CAST: variants seen among roughly 807,000 people sequenced by gnomAD.
The protein encoded by CAST is MIR583 host.
Under a neutral mutation model 119.6 loss-of-function variants are expected in CAST, and 76 were observed. The ratio of observed to expected loss-of-function variants is 0.64; its 90% CI spans 0.53 to 0.77. The LOEUF (loss-of-function observed/expected upper bound fraction) is 0.77, where lower values mean the gene tolerates loss of function less well. CAST is among the 30% of genes least tolerant of loss of function. CAST has a pLI of 0.00. For missense variants in CAST, 953 were observed against 946.5 expected (o/e 1.01, Z -0.09); for synonymous variants, 319 against 331.6 (o/e 0.96, Z 0.41).
chr5:96,274,400 C>A, the CAST span, among the ~76,000 whole-genome samples: 1 of 151,884 alleles, frequency 6.6e-6, no homozygotes, highest in South Asian at 2.1e-4. Context: ...CAGCTCCCAG[C>A]CTAGAGCCCC....
chr5:96,264,225 C>A, the CAST span, among the ~76,000 whole-genome samples: 1 of 152,092 alleles, frequency 6.6e-6, no homozygotes, highest in Non-Finnish European at 1.5e-5. Context: ...GGAGTCTTAG[C>A]GCAATATTCA....
chr5:96,518,916 G>A, the CAST span, among the ~76,000 whole-genome samples: 1 of 152,054 alleles, frequency 6.6e-6, no homozygotes, highest in African/African-American at 2.4e-5. Context: ...TACTCAGGAG[G>A]CAGGAGGCTG....
At chr5:96,619,926 G>C (rs760462456) in intron 1 of CAST, among the ~76,000 whole-genome samples, 1 of 152,210 alleles carries the variant, frequency 6.6e-6, no homozygotes, top group Non-Finnish European at 1.5e-5. Flanking sequence ...ACCATGTGAC[G>C]TTGGGCAAGA....
the CAST span, among the ~76,000 whole-genome samples, chr5:95,979,494 A>AT: frequency 6.6e-6 from 1 of 152,316 alleles, no homozygotes; most frequent in East Asian, 1.9e-4. Flanking sequence ...TGAACAATAA[A>AT]TATGTGTGTT....
chr5:95,995,854 C>T, the CAST span, among the ~76,000 whole-genome samples: 1 of 152,220 alleles, frequency 6.6e-6, no homozygotes, highest in East Asian at 1.9e-4. Context: ...GAGAATACTG[C>T]ATACCCCTGC....
intron 2 of CAST, among the ~76,000 whole-genome samples, chr5:96,693,841 CTT>C (rs994996003): frequency 9.2e-5 from 14 of 152,206 alleles, no homozygotes; most frequent in African/African-American, 3.4e-4. Flanking sequence ...TTAGCAGCCT[CTT>C]TTGTTTTTAT....
intron 1 of CAST, among the ~76,000 whole-genome samples, chr5:96,555,570 G>A (rs1464211380): frequency 6.6e-6 from 1 of 152,198 alleles, no homozygotes; most frequent in Non-Finnish European, 1.5e-5. Context: ...GGCACACCAG[G>A]ACATTATATC....
At chr5:96,765,926 A>C (rs1411935306) in intron 26 of CAST, 127 bp from the exon 27 acceptor site, 1 of 607,906 alleles carries the variant, frequency 1.6e-6, no homozygotes. Context: ...GTTGCTTAAA[A>C]AATAAAAACA....
the CAST span, among the ~76,000 whole-genome samples, chr5:96,283,787 A>G: frequency 2.0e-5 from 3 of 152,252 alleles, no homozygotes; most frequent in Admixed American, 2.0e-4. Flanking sequence ...AAAGTGTCGT[A>G]AATCCACCAA....
At chr5:96,317,476 CAAAAAAAAAAAAAAA>C in the CAST span, among the ~76,000 whole-genome samples, 1 of 50,578 alleles carries the variant, frequency 2.0e-5, no homozygotes, top group Middle Eastern at 0.017. Flanking sequence ...GACTCCATCT[CAAAAAAAAAAAAAAA>C]AAAAAAAAAA....
At chr5:96,704,983 C>G (rs1003294921) in intron 3 of CAST, among the ~76,000 whole-genome samples, 2 of 152,130 alleles carry the variant, frequency 1.3e-5, no homozygotes, top group South Asian at 4.1e-4. Context: ...TTTAAATGAA[C>G]TTTGGTTGGG....
the CAST span, chr5:96,410,997 A>C: frequency 2.5e-6 from 4 of 1,588,220 alleles, no homozygotes; most frequent in Non-Finnish European, 3.5e-6. Context: ...CTAAAGGAAA[A>C]GCCAGAATGC....
At chr5:96,478,405 C>A in the CAST span, among the ~76,000 whole-genome samples, 1 of 152,214 alleles carries the variant, frequency 6.6e-6, no homozygotes, top group African/African-American at 2.4e-5. Context: ...TGCATATTGA[C>A]CAAACTATAG....
At chr5:96,484,150 A>G in the CAST span, among the ~76,000 whole-genome samples, 1 of 152,092 alleles carries the variant, frequency 6.6e-6, no homozygotes, top group Non-Finnish European at 1.5e-5. Flanking sequence ...GCCTTTTTAC[A>G]TGACCACAAC....
the CAST span, among the ~76,000 whole-genome samples, chr5:96,471,786 G>GTGTGTGTGTGTGTGTT: frequency 0.17 from 24,794 of 149,348 alleles, 2,423 homozygotes; most frequent in East Asian, 0.34. Flanking sequence ...GTGTGTGTGT[G>GTGTGTGTGTGTGTGTT]TGTGTGTGTG....
At chr5:96,544,164 T>A (rs1745963490) in intron 1 of CAST, among the ~76,000 whole-genome samples, 1 of 152,234 alleles carries the variant, frequency 6.6e-6, no homozygotes. Flanking sequence ...ACTGATATCT[T>A]GACAACATCG....
At chr5:96,765,597 G>A (rs1396375524) in intron 26 of CAST, among the ~76,000 whole-genome samples, 2 of 152,114 alleles carry the variant, frequency 1.3e-5, no homozygotes, top group African/African-American at 4.8e-5. Context: ...CAAGCAGTCA[G>A]CACATCCATT....
chr5:96,096,317 G>A, the CAST span, among the ~76,000 whole-genome samples: 3 of 152,294 alleles, frequency 2.0e-5, no homozygotes, highest in East Asian at 5.8e-4. Context: ...AATAATGCTT[G>A]TAAACAATTG....
At chr5:96,196,804 C>A in the CAST span, among the ~76,000 whole-genome samples, 1 of 152,166 alleles carries the variant, frequency 6.6e-6, no homozygotes, top group Non-Finnish European at 1.5e-5. Context: ...GAGTGAAATA[C>A]CTTTTTATCT....
Sources: allele counts gnomAD v4.1 joint callset (sites outside exome capture counted in the v4.1 genomes callset), GRCh38; gene constraint gnomAD v4.1.1; transcripts MANE v1.5; gene names NCBI Gene and HGNC (gene_info 2026-07-23, HGNC 2026-07-21).